Variants in SCMH1 observed in about 807,000 individuals in gnomAD.
SCMH1 encodes the protein polycomb protein SCMH1.
A neutral mutation model predicts 70.8 loss-of-function variants in SCMH1; 37 were observed. The observed-to-expected ratio is 0.52, with a 90% CI of 0.40 to 0.69. The LOEUF (loss-of-function observed/expected upper bound fraction) is 0.69, where lower values mean the gene tolerates loss of function less well. Among genes scored for constraint, SCMH1 ranks in the 30% least tolerant of loss-of-function variants. The probability of loss-of-function intolerance (pLI) is 0.00; values close to 1 mark genes in which losing one functional copy is unlikely to be tolerated. For missense variants in SCMH1, 607 were observed against 827.3 expected (o/e 0.73, Z 3.27); for synonymous variants, 292 against 307.4 (o/e 0.95, Z 0.52).
chr1:41,156,531 C>T (rs111257159), intron 4 of SCMH1, among the ~76,000 whole-genome samples: 605 of 152,202 alleles, frequency 4.0e-3, no homozygotes, highest in Non-Finnish European at 7.0e-3. Context: ...CTTGACCTCC[C>T]GGGCTCAAGC....
chr1:41,137,708 T>C (rs1383666290), intron 6 of SCMH1, among the ~76,000 whole-genome samples: 1 of 152,188 alleles, frequency 6.6e-6, no homozygotes, highest in African/African-American at 2.4e-5. Flanking sequence ...TCCACCAACA[T>C]AGCACCACAG....
intron 1 of SCMH1, among the ~76,000 whole-genome samples, chr1:41,204,524 AC>A (rs1655064514): frequency 6.6e-6 from 1 of 152,074 alleles, no homozygotes; most frequent in Non-Finnish European, 1.5e-5. Context: ...CTCCAGCTAT[AC>A]TGGTCTTCTC....
intron 2 of SCMH1, among the ~76,000 whole-genome samples, chr1:41,175,157 A>C (rs1337266005): frequency 6.6e-6 from 1 of 152,270 alleles, no homozygotes; most frequent in East Asian, 1.9e-4. Context: ...CATTTGAATC[A>C]GTAGACTGAG....
intron 12 of SCMH1, chr1:41,043,138 G>C (rs1351965182): frequency 6.6e-6 from 1 of 152,142 alleles, no homozygotes; most frequent in African/African-American, 2.4e-5. Context: ...CTGTTGCTCA[G>C]GCTGGAGTGC....
chr1:41,132,318 A>G (rs1642475813), intron 6 of SCMH1, among the ~76,000 whole-genome samples: 1 of 152,040 alleles, frequency 6.6e-6, no homozygotes, highest in Non-Finnish European at 1.5e-5. Context: ...GCATTTTTTC[A>G]TGTGTCTGTT....
At chr1:41,201,303 T>A (rs1407362478) in intron 1 of SCMH1, among the ~76,000 whole-genome samples, 1 of 152,198 alleles carries the variant, frequency 6.6e-6, no homozygotes, top group Non-Finnish European at 1.5e-5. Flanking sequence ...GGTTTCTCTG[T>A]ATCAAGAAAC....
intron 1 of SCMH1, among the ~76,000 whole-genome samples, chr1:41,215,192 C>G (rs967211647): frequency 6.6e-6 from 1 of 152,144 alleles, no homozygotes; most frequent in Non-Finnish European, 1.5e-5. Context: ...TTGCAGTCTA[C>G]TATGCTGTTC....
At chr1:41,046,576 A>T (rs754674653) in exon 12 of SCMH1, 1 of 1,614,056 alleles carries the variant, frequency 6.2e-7, no homozygotes, top group Non-Finnish European at 8.5e-7. Flanking sequence ...GGTTGAGGGT[A>T]TGCTGTTCCC....
chr1:41,107,740 G>A (rs929551287), intron 8 of SCMH1, among the ~76,000 whole-genome samples: 2 of 152,000 alleles, frequency 1.3e-5, no homozygotes. Flanking sequence ...GGATGGTCTC[G>A]ATCTCTTGAC....
chr1:41,084,916 G>C (rs1276591017), intron 8 of SCMH1, among the ~76,000 whole-genome samples: 2 of 143,146 alleles, frequency 1.4e-5, no homozygotes, highest in Non-Finnish European at 3.0e-5. Flanking sequence ...TCATAGGTGG[G>C]AATTGAAGAA....
intron 1 of SCMH1, among the ~76,000 whole-genome samples, chr1:41,210,791 G>A (rs999458758): frequency 6.6e-6 from 1 of 151,864 alleles, no homozygotes; most frequent in Non-Finnish European, 1.5e-5. Flanking sequence ...TCAGGATATA[G>A]GCATGGGCAA....
At chr1:41,204,005 G>A (rs375961287) in intron 1 of SCMH1, among the ~76,000 whole-genome samples, 6 of 152,248 alleles carry the variant, frequency 3.9e-5, no homozygotes, top group African/African-American at 1.2e-4. Flanking sequence ...CTCCCCGACC[G>A]AGCTGGTCTC....
chr1:41,239,782 C>T lies in SCMH1; in HGVS notation c.-118+2277G>A, dbSNP rs142273386. Among the ~76,000 whole-genome samples the T allele has an allele frequency of 6.1e-3, 930 of 152,240 alleles. 14 individuals are homozygous for T. Among genetic ancestry groups the T allele is most frequent in the African/African-American group, 0.021 (889 of 41,526 alleles). On this transcript the variant is annotated intron_variant, in intron 1 of 14. Coordinates refer to ENST00000337495, the Ensembl canonical transcript of SCMH1. ...AGTAGCTGAGACTACAGACATACAC[C>T]ATCATGCCCAGCTATATTTTTATTT...
At chr1:41,046,673 C>G in intron 11 of SCMH1, 75 bp from the exon 12 acceptor site, 1 of 1,158,670 alleles carries the variant, frequency 8.6e-7, no homozygotes, top group African/African-American at 1.5e-5. Flanking sequence ...CGAGTCCAGC[C>G]CACTGCTTGT....
At chr1:41,102,083 C>G (rs1666775970) in intron 8 of SCMH1, among the ~76,000 whole-genome samples, 1 of 152,154 alleles carries the variant, frequency 6.6e-6, no homozygotes, top group Non-Finnish European at 1.5e-5. Flanking sequence ...AATTTATCAT[C>G]AGATTTCTCG....
chr1:41,144,516 T>C (rs1355844696), intron 5 of SCMH1, among the ~76,000 whole-genome samples: 1 of 152,178 alleles, frequency 6.6e-6, no homozygotes, highest in African/African-American at 2.4e-5. Context: ...TGATGGACAT[T>C]TGGGTTGTTT....
intron 1 of SCMH1, among the ~76,000 whole-genome samples, chr1:41,211,106 C>T (rs1361770756): frequency 1.3e-5 from 2 of 151,980 alleles, no homozygotes; most frequent in African/African-American, 2.4e-5. Flanking sequence ...CTGTGCCTGG[C>T]CAAAGACTTC....
chr1:41,221,336 T>C (rs1039732307), intron 1 of SCMH1, among the ~76,000 whole-genome samples: 3 of 152,068 alleles, frequency 2.0e-5, no homozygotes, highest in African/African-American at 7.2e-5. Context: ...GTGGTGATGG[T>C]TGCATAACAA....
chr1:41,068,261 G>A (rs566035874), intron 10 of SCMH1, among the ~76,000 whole-genome samples: 2 of 152,252 alleles, frequency 1.3e-5, no homozygotes, highest in South Asian at 4.2e-4. Flanking sequence ...AGGAAAACTT[G>A]ATGAAAGTTG....
Sources: gnomAD v4.1 joint callset for allele counts (sites outside exome capture counted in the v4.1 genomes callset) on GRCh38, gnomAD v4.1.1 for gene constraint, MANE v1.5 for transcripts, NCBI Gene and HGNC (gene_info 2026-07-23, HGNC 2026-07-21) for gene names.